KIF20B: variants seen among roughly 807,000 people sequenced by gnomAD.
KIF20B encodes kinesin family member 20B, also known as kinesin-like protein KIF20B.
In KIF20B, 188 loss-of-function variants were observed where a neutral mutation model predicts 232.5. The ratio of observed to expected loss-of-function variants is 0.81; its 90% CI spans 0.72 to 0.91. KIF20B has a LOEUF of 0.91. KIF20B is among the 40% of genes least tolerant of loss of function. The pLI is 0.00. For missense variants in KIF20B, 2,154 were observed against 2,055.9 expected (o/e 1.05, Z -0.92); for synonymous variants, 712 against 683.0 (o/e 1.04, Z -0.66).
Position 89,764,135 on chromosome 10 carries a change from G to C in KIF20B, c.4989+1300G>C, listed in dbSNP as rs541901763. Among the ~76,000 whole-genome samples, 66 of 146,084 alleles carry C rather than the reference G, an allele frequency of 4.5e-4. 1 individual carries two copies. The highest frequency in any genetic ancestry group is 4.3e-3 in the East Asian group (21 of 4,888). On this transcript the variant is annotated intron_variant, in intron 29 of 32. Coordinates refer to ENST00000371728, the MANE Select transcript of KIF20B (RefSeq NM_001284259.2). ...TTGTTCAATTCCCACCTATGAGTGA[G>C]AACATGCGGTGTTTGGTTTTTTGTC...
chr10:89,739,002 T>G lies in KIF20B; in HGVS notation c.3821T>G (p.Leu1274Arg), dbSNP rs771361517. The stretch of plus-strand genomic sequence containing the variant: ...GCAAGCTCTGCTCGTACCCAGAATC[T>G]GAAAGCAGATCTTCAGAGGAAGGAA... ...LSASSARTQN[L>R]KADLQRKEED... The change falls in exon 21 of 33, where the codon CTG (leucine) becomes CGG (arginine). Residue 1274 changes from leucine to arginine, a missense_variant. Transcript: ENST00000371728. 1.9e-5 allele frequency: 31 copies of G among 1,613,252 alleles called. No homozygotes were observed. Among genetic ancestry groups the G allele is most frequent in the Admixed American group, 8.3e-5 (5 of 59,930 alleles).
At chr10:89,745,299 C>T (rs372668594) in intron 22 of KIF20B, among the ~76,000 whole-genome samples, 11 of 152,280 alleles carry the variant, frequency 7.2e-5, no homozygotes, top group Middle Eastern at 3.4e-3. Flanking sequence ...CCGAGGCAGA[C>T]GGATCACAAG....
intron 21 of KIF20B, among the ~76,000 whole-genome samples, chr10:89,743,255 A>G (rs1172149091): frequency 6.6e-6 from 1 of 152,188 alleles, no homozygotes; most frequent in Non-Finnish European, 1.5e-5. Flanking sequence ...ATTAATATAT[A>G]TATTAGTCCA....
chr10:89,712,427 ATTTT>A (rs996068824), intron 6 of KIF20B, among the ~76,000 whole-genome samples: 2 of 151,350 alleles, frequency 1.3e-5, no homozygotes, highest in Non-Finnish European at 2.9e-5. Context: ...GGCTGTTTTG[ATTTT>A]TTTTGTAGAA....
At chr10:89,738,910 A>C in intron 20 of KIF20B, 48 bp from the exon 21 acceptor site, 1 of 1,567,280 alleles carries the variant, frequency 6.4e-7, no homozygotes, top group Non-Finnish European at 8.7e-7. Flanking sequence ...GTATGGTCCT[A>C]AGCAGTTAAT....
At chr10:89,739,195 A>G in intron 21 of KIF20B, 99 bp downstream of exon 21, 7 of 1,274,538 alleles carry the variant, frequency 5.5e-6, no homozygotes, top group Non-Finnish European at 6.5e-6. Context: ...TAGAACATTT[A>G]TCCACTTTAT....
At chr10:89,759,889 A>G (rs1842202171) in intron 27 of KIF20B, among the ~76,000 whole-genome samples, 2 of 152,142 alleles carry the variant, frequency 1.3e-5, no homozygotes, top group African/African-American at 2.4e-5. Context: ...GGCTGTGATG[A>G]GGAGGTCTGT....
chr10:89,731,504 C>T (rs187829699), intron 18 of KIF20B, among the ~76,000 whole-genome samples: 369 of 152,230 alleles, frequency 2.4e-3, no homozygotes, highest in African/African-American at 8.2e-3. Context: ...GGTCACTGTT[C>T]CACATCTTGT....
intron 30 of KIF20B, 27 bp from the exon 31 acceptor site, chr10:89,768,711 A>G: frequency 6.4e-7 from 1 of 1,560,716 alleles, no homozygotes; most frequent in Non-Finnish European, 8.6e-7. Flanking sequence ...TCTCATCAAC[A>G]ATAACAAAAA....
rs758361205 is a variant in KIF20B at position 89,768,778 on chromosome 10, G to A, written c.5132G>A (p.Arg1711Gln). 3.9e-5 allele frequency: 63 copies of A among 1,600,270 alleles called. No homozygotes were observed. The highest frequency in any genetic ancestry group is 3.5e-5 in the Admixed American group (2 of 56,778). ...TCATCTAAGAAAACATATTCTTTAC[G>A]GAGTCAGGCATCCATAATTGGTGTA... is the stretch of plus-strand genomic sequence containing the variant. ...RPSSKKTYSLRSQASIIGVNL... is the reference protein window; with the variant it reads ...RPSSKKTYSLQSQASIIGVNL... Residue 1711 changes from arginine to glutamine, a missense_variant, in exon 31 of 33, where the codon CGG becomes CAG. Physicochemically the swap from Arg to Gln is conservative, Grantham distance 43. Transcript: ENST00000371728.
chr10:89,768,216 A>C (rs918968606), intron 29 of KIF20B, 74 bp from the exon 30 acceptor site: 1 of 965,342 alleles, frequency 1.0e-6, no homozygotes, highest in Non-Finnish European at 1.6e-6. Context: ...GCTTTTTACA[A>C]ATTTTCTTTT....
At chr10:89,709,139 A>G (rs1490776700) in intron 2 of KIF20B, 28 bp from the exon 3 acceptor site, 13 of 1,503,814 alleles carry the variant, frequency 8.6e-6, no homozygotes, top group Non-Finnish European at 1.2e-5. Flanking sequence ...TTTCAAAAAC[A>G]CAATGTTTTT....
chr10:89,725,283 A>T, intron 15 of KIF20B, 125 bp downstream of exon 15: 1 of 873,712 alleles, frequency 1.1e-6, no homozygotes, highest in Non-Finnish European at 1.7e-6. Flanking sequence ...GTGTAGCTTT[A>T]TTATAATTAG....
At position 89,737,852 on chromosome 10, in the gene KIF20B, T is replaced by C; in HGVS notation, c.3011T>C (p.Ile1004Thr). Residue 1004 changes from isoleucine to threonine, a missense_variant, in exon 20 of 33, where the codon ATA becomes ACA. Ile to Thr is a moderately conservative substitution (Grantham distance 89, BLOSUM62 -1). Coordinates refer to ENST00000371728, the MANE Select transcript of KIF20B (RefSeq NM_001284259.2). ...GATTCAGTTTCTCAGATTTCAAACA[T>C]AGATTTGCTCAATCTCAGGGATCTG... ...TLDSVSQISN[I>T]DLLNLRDLSN... The C allele has an allele frequency of 1.9e-6, 3 of 1,613,478 alleles. No individual in the cohort carries two copies. The highest frequency in any genetic ancestry group is 2.7e-5 in the African/African-American group (2 of 75,030).
Position 89,745,937 on chromosome 10 carries a change from A to G in KIF20B, c.4074A>G (p.Gln1358=), listed in dbSNP as rs779776389. ...LNNQKVEEAI[Q]QYERACKDLN... ...ATCAGAAAGTGGAAGAAGCTATACA[A>G]CAGTATGAGAGAGCATGCAAAGGTC... The change falls in exon 23 of 33, where the codon CAA becomes CAG. Residue 1358 remains glutamine, a synonymous_variant. Transcript: ENST00000371728. 8 of 1,611,258 alleles carry G rather than the reference A, an allele frequency of 5.0e-6. No individual in the cohort carries two copies. Among genetic ancestry groups the G allele is most frequent in the East Asian group, 4.5e-5 (2 of 44,870 alleles).
chr10:89,737,506 G>C lies in KIF20B; in HGVS notation c.2665G>C (p.Ala889Pro). The change falls in exon 20 of 33, where the codon GCA becomes CCA. Residue 889 changes from alanine to proline, a missense_variant. By Grantham distance (27) the Ala-to-Pro change is conservative. Coordinates refer to ENST00000371728, the MANE Select transcript of KIF20B (RefSeq NM_001284259.2). Reference protein sequence around the residue: ...VLQENNEGLRAFLLTIENELK... With the variant: ...VLQENNEGLRPFLLTIENELK... ...ACAAGAAAATAATGAAGGACTGAGAGCATTTTTACTCACTATTGAGAATGA... is the reference window on the plus strand; with the variant it reads ...ACAAGAAAATAATGAAGGACTGAGACCATTTTTACTCACTATTGAGAATGA... The C allele has an allele frequency of 1.2e-6, 2 of 1,610,414 alleles. No homozygotes were observed.
In KIF20B at chr10:89,762,729, C is replaced by T; in HGVS notation, c.4883C>T (p.Thr1628Ile). ...FPKPELEIQF[T>I]PLQPNKMAVK... ...AAACCTGAGTTAGAGATTCAATTTACACCTTTACAGCCAAACAAAATGGCA... is the reference window on the plus strand; with the variant it reads ...AAACCTGAGTTAGAGATTCAATTTATACCTTTACAGCCAAACAAAATGGCA... The change falls in exon 29 of 33, where the codon ACA becomes ATA. Residue 1628 changes from threonine (T) to isoleucine (I), a missense_variant. Transcript: ENST00000371728. 6.2e-7 allele frequency: 1 copy of T among 1,613,470 alleles called. No homozygotes were observed. Among genetic ancestry groups the T allele is most frequent in the East Asian group, 2.2e-5 (1 of 44,830 alleles).
In KIF20B at chr10:89,745,890, A is replaced by G. The variant is rs1841898832; in HGVS notation, c.4036-9A>G. 3.8e-6 allele frequency: 6 copies of G among 1,564,578 alleles called. No individual in the cohort carries two copies. The highest frequency in any genetic ancestry group is 5.3e-6 in the Non-Finnish European group (6 of 1,135,008). On this transcript the variant is annotated splice_polypyrimidine_tract_variant and intron_variant, in intron 22 of 32. Transcript: ENST00000371728. ...ATTTGCAATTAATTTATATTCTTTC[A>G]ATTTGTAGGAGCAGTTAAATAATCA... is the stretch of plus-strand genomic sequence containing the variant.
chr10:89,735,717 T>TA (rs1841637197), intron 19 of KIF20B, among the ~76,000 whole-genome samples: 1 of 151,920 alleles, frequency 6.6e-6, no homozygotes, highest in Non-Finnish European at 1.5e-5. Context: ...TTTTTGTGTT[T>TA]TTAGTAGAGA....
Sources: gnomAD v4.1 joint callset for allele counts (sites outside exome capture counted in the v4.1 genomes callset) on GRCh38, gnomAD v4.1.1 for gene constraint, MANE v1.5 for transcripts, NCBI Gene and HGNC (gene_info 2026-07-23, HGNC 2026-07-21) for gene names.